Variants in LAMP2 observed in about 807,000 individuals in gnomAD.
The protein encoded by LAMP2 is lysosome associated membrane protein 2.
A neutral mutation model predicts 25.6 loss-of-function variants in LAMP2; 4 were observed. The observed-to-expected ratio is 0.16, with a 90% CI of 0.08 to 0.36. The LOEUF (loss-of-function observed/expected upper bound fraction) is 0.36, where lower values mean the gene tolerates loss of function less well. LAMP2 is among the 10% of genes least tolerant of loss of function. LAMP2 has a pLI of 1.00. For synonymous variants in LAMP2, 108 were observed against 112.7 expected (o/e 0.96, Z 0.27); for missense variants, 272 against 301.4 (o/e 0.90, Z 0.72).
rs763889562 is a variant in LAMP2, at chrX:120,428,717, G to C, written c.*2606C>G. 8 of 1,094,652 alleles carry C rather than the reference G, an allele frequency of 7.3e-6. No individual in the cohort carries two copies. In the South Asian group the frequency reaches 2.0e-4, roughly 27 times the overall value. The allele number at this position is 1,094,652 out of a possible 1,213,427, so 90.2% of individuals were successfully genotyped here. A position where few individuals can be genotyped will look rare whatever the true frequency, so the allele number is the denominator to read the frequency against. On this transcript the variant is annotated 3_prime_UTR_variant, in exon 9 of 9. Transcript: ENST00000200639. ...CATGCAAGAAACATGCATTTTGAAA[G>C]TGTACATAGCTTAGTTTTTTATAGC...
chrX:120,462,695 C>T (rs771118957), intron 1 of LAMP2, among the ~76,000 whole-genome samples: 4 of 110,351 alleles, frequency 3.6e-5, no homozygotes, highest in African/African-American at 6.6e-5. Flanking sequence ...AAAACAAAAC[C>T]AATAAAAAGA....
intron 1 of LAMP2, among the ~76,000 whole-genome samples, chrX:120,460,888 T>C (rs923611067): frequency 1.2e-4 from 13 of 111,866 alleles, no homozygotes; most frequent in African/African-American, 4.2e-4. Context: ...GAGGCAGAGG[T>C]TGCAGTGAGC....
rs994081471 is a variant in LAMP2, at chrX:120,428,187, T to C, written c.*3136A>G. 15 of 178,432 alleles carry C rather than the reference T, an allele frequency of 8.4e-5. No homozygotes were observed. The highest frequency in any genetic ancestry group is 4.5e-4 in the African/African-American group (15 of 33,560). The allele number at this position is 178,432 out of a possible 1,213,427, so 14.7% of individuals were successfully genotyped here. ...TAACTGTAACATATAAAATTACACA[T>C]CAGCAAAAATGCTTTCATAATTGGA... On this transcript the variant is annotated 3_prime_UTR_variant, in exon 9 of 9. Coordinates refer to ENST00000200639, the MANE Select transcript of LAMP2 (RefSeq NM_002294.3).
chrX:120,442,522 T>G (rs778175555), intron 7 of LAMP2, 77 bp downstream of exon 7: 1 of 821,102 alleles, frequency 1.2e-6, no homozygotes, highest in East Asian at 3.1e-5. Flanking sequence ...AGGCACTATT[T>G]GGTAATAAGA....
intron 1 of LAMP2, among the ~76,000 whole-genome samples, chrX:120,458,032 T>C (rs1921169898): frequency 1.8e-5 from 2 of 112,032 alleles, no homozygotes; most frequent in African/African-American, 6.5e-5. Context: ...ACTAAATGCA[T>C]TGGCTAAGGC....
At chrX:120,444,050 AAAG>A (rs2058585999) in intron 6 of LAMP2, among the ~76,000 whole-genome samples, 1 of 111,151 alleles carries the variant, frequency 9.0e-6, no homozygotes, top group Non-Finnish European at 1.9e-5. Flanking sequence ...AGAAAAGAAA[AAAG>A]AAAAGAAAGA....
intron 8 of LAMP2, among the ~76,000 whole-genome samples, chrX:120,435,639 TC>T (rs1318524511): frequency 8.9e-6 from 1 of 111,848 alleles, no homozygotes; most frequent in Non-Finnish European, 1.9e-5. Context: ...AAATTATCAC[TC>T]AAAGAAATGA....
chrX:120,442,738 G>A, intron 6 of LAMP2, 76 bp from the exon 7 acceptor site: 1 of 779,610 alleles, frequency 1.3e-6, no homozygotes, highest in Non-Finnish European at 2.0e-6. Context: ...AATACCCACA[G>A]AAGAAAAGCA....
chrX:120,441,626 A>G (rs1328563491), intron 8 of LAMP2, 104 bp downstream of exon 8: 1 of 691,790 alleles, frequency 1.4e-6, no homozygotes, highest in Non-Finnish European at 2.3e-6. Flanking sequence ...AAGGCTATGA[A>G]TTCATATTCC....
chrX:120,455,630 T>TTATGTAGGGCATGCA, intron 2 of LAMP2, 60 bp from the exon 3 acceptor site: 1 of 902,910 alleles, frequency 1.1e-6, no homozygotes, highest in Non-Finnish European at 1.6e-6. Flanking sequence ...CACCAAGCAT[T>TTATGTAGGGCATGCA]TATGTAGGGC....
intron 8 of LAMP2, among the ~76,000 whole-genome samples, chrX:120,431,722 C>G (rs925459270): frequency 8.9e-6 from 1 of 112,378 alleles, no homozygotes; most frequent in African/African-American, 3.2e-5. Context: ...TCACATAGTT[C>G]CCAGATTTCT....
chrX:120,466,660 A>G (rs187337050), intron 1 of LAMP2, among the ~76,000 whole-genome samples: 63 of 111,402 alleles, frequency 5.7e-4, no homozygotes, highest in African/African-American at 2.0e-3. Context: ...TGAGGACTTC[A>G]CAGAGGTTTA....
chrX:120,434,088 C>T (rs1332997293), intron 8 of LAMP2, among the ~76,000 whole-genome samples: 1 of 112,112 alleles, frequency 8.9e-6, no homozygotes, highest in Non-Finnish European at 1.9e-5. Flanking sequence ...ACCTCCCCTA[C>T]AATTTCCCAA....
intron 3 of LAMP2, among the ~76,000 whole-genome samples, chrX:120,449,864 G>C (rs2058614086): frequency 9.0e-6 from 1 of 111,430 alleles, no homozygotes; most frequent in South Asian, 3.8e-4. Flanking sequence ...CCACTTAAGA[G>C]GGAAACCAGA....
At chrX:120,458,900 T>A (rs756050582) in intron 1 of LAMP2, among the ~76,000 whole-genome samples, 5 of 111,963 alleles carry the variant, frequency 4.5e-5, no homozygotes, top group African/African-American at 1.6e-4. Context: ...AATGCCTAGA[T>A]ACCCCTAGAA....
chrX:120,441,630 A>G, intron 8 of LAMP2, 100 bp downstream of exon 8: 1 of 716,146 alleles, frequency 1.4e-6, no homozygotes, highest in South Asian at 2.4e-5. Context: ...CTATGAATTC[A>G]TATTCCTCTA....
chrX:120,467,530 C>A (rs1330257808), intron 1 of LAMP2, among the ~76,000 whole-genome samples: 1 of 111,690 alleles, frequency 9.0e-6, no homozygotes, highest in Non-Finnish European at 1.9e-5. Context: ...TTTCTCAGAC[C>A]CCTAATATGT....
intron 1 of LAMP2, among the ~76,000 whole-genome samples, chrX:120,463,690 T>C (rs1360780960): frequency 8.9e-6 from 1 of 111,960 alleles, no homozygotes; most frequent in Non-Finnish European, 1.9e-5. Flanking sequence ...GCTGTTCTTT[T>C]GGGACATATT....
chrX:120,460,876 G>A (rs1194973647), intron 1 of LAMP2, among the ~76,000 whole-genome samples: 2 of 111,932 alleles, frequency 1.8e-5, no homozygotes, highest in Non-Finnish European at 3.8e-5. Flanking sequence ...GTTTGAACCC[G>A]GGAGGCAGAG....
Sources: gnomAD v4.1 joint callset for allele counts (sites outside exome capture counted in the v4.1 genomes callset) on GRCh38, gnomAD v4.1.1 for gene constraint, MANE v1.5 for transcripts, NCBI Gene and HGNC (gene_info 2026-07-23, HGNC 2026-07-21) for gene names.